The following SMARCA2 variants were observed in gnomAD, a reference collection of about 807,000 sequenced individuals.
SMARCA2 encodes SWI/SNF related BAF chromatin remodeling complex subunit ATPase 2.
Under a neutral mutation model 199.8 loss-of-function variants are expected in SMARCA2, and 61 were observed. The observed-to-expected ratio is 0.31, with a 90% CI of 0.25 to 0.38. The LOEUF (loss-of-function observed/expected upper bound fraction) is 0.38. Among genes scored for constraint, SMARCA2 ranks in the 10% least tolerant of loss-of-function variants. SMARCA2 has a pLI of 1.00. For missense variants in SMARCA2, 1,344 were observed against 2,012.2 expected (o/e 0.67, Z 6.35); for synonymous variants, 935 against 732.0 (o/e 1.28, Z -4.48).
At chr9:2,129,317 C>T (rs535771193) in intron 27 of SMARCA2, among the ~76,000 whole-genome samples, 1 of 152,220 alleles carries the variant, frequency 6.6e-6, no homozygotes, top group East Asian at 1.9e-4. Context: ...GCTTGGGAGG[C>T]TGAGGCAGGG....
At chr9:2,160,834 A>G (rs1825632325) in intron 27 of SMARCA2, 1 of 398,794 alleles carries the variant, frequency 2.5e-6, no homozygotes, top group Non-Finnish European at 4.4e-6. Flanking sequence ...CTTCCTTGGC[A>G]GTATTTTTCC....
intron 19 of SMARCA2, among the ~76,000 whole-genome samples, chr9:2,090,741 C>A (rs866750941): frequency 6.6e-6 from 1 of 152,060 alleles, no homozygotes; most frequent in Non-Finnish European, 1.5e-5. Context: ...GCTCTCCTTC[C>A]GGTAGCCCCC....
chr9:2,027,732 C>G (rs1419024549), intron 1 of SMARCA2: 2 of 152,170 alleles, frequency 1.3e-5, no homozygotes, highest in African/African-American at 2.4e-5. Flanking sequence ...GCTATGGTGA[C>G]TAGGCCACCA....
intron 19 of SMARCA2, among the ~76,000 whole-genome samples, chr9:2,090,531 A>G (rs1314515177): frequency 1.3e-5 from 2 of 152,210 alleles, no homozygotes; most frequent in East Asian, 3.8e-4. Context: ...ACTGGAAGAT[A>G]AATGACTCTG....
At position 2,181,673 on chromosome 9, in the gene SMARCA2, A is replaced by T; in HGVS notation, c.4356A>T (p.Ile1452=). Residue 1452 remains isoleucine (I), a synonymous_variant, in exon 30 of 34, where the codon ATA becomes ATT. Transcript: ENST00000349721. The part of the protein sequence containing the change: ...LIRKPVDFKK[I]KERIRNHKYR... ...GGAAGCCAGTGGATTTCAAAAAAAT[A>T]AAGGTAGATATTTTGTTTACCAACT... is the stretch of plus-strand genomic sequence containing the variant. 1 of 1,376,444 alleles carries T rather than the reference A, an allele frequency of 7.3e-7. No homozygotes were observed. The highest frequency in any genetic ancestry group is 1.0e-6 in the Non-Finnish European group (1 of 963,762). The allele number at this position is 1,376,444 out of a possible 1,614,324, so 85.3% of individuals were successfully genotyped here. A position where few individuals can be genotyped will look rare whatever the true frequency, so the allele number is the denominator to read the frequency against.
intron 4 of SMARCA2, chr9:2,042,784 A>G (rs1009762394): frequency 6.6e-6 from 1 of 151,944 alleles, no homozygotes; most frequent in African/African-American, 2.4e-5. Flanking sequence ...TCGGAGCTTC[A>G]TTAGAAATGA....
intron 32 of SMARCA2, among the ~76,000 whole-genome samples, chr9:2,189,984 A>T (rs1827766059): frequency 6.6e-6 from 1 of 152,182 alleles, no homozygotes; most frequent in Admixed American, 6.5e-5. Flanking sequence ...GACCCACCAA[A>T]CATGGTAGTC....
intron 28 of SMARCA2, among the ~76,000 whole-genome samples, chr9:2,168,556 T>G (rs73638401): frequency 5.1e-4 from 77 of 152,336 alleles, no homozygotes; most frequent in African/African-American, 1.7e-3. Flanking sequence ...AAGTTCTTTA[T>G]TTGAAGTGCG....
chr9:2,063,440 CTA>C (rs768401832), intron 9 of SMARCA2, among the ~76,000 whole-genome samples: 25 of 152,200 alleles, frequency 1.6e-4, no homozygotes, highest in Non-Finnish European at 2.6e-4. Context: ...ACTTCTGTGT[CTA>C]TGAGCATAAA....
intron 28 of SMARCA2, among the ~76,000 whole-genome samples, chr9:2,163,892 CT>C (rs199681440): frequency 6.6e-6 from 1 of 151,710 alleles, no homozygotes. Context: ...TGGTTTTATG[CT>C]TTTTTTTGAG....
chr9:2,106,491 C>G lies in SMARCA2; in HGVS notation c.3292+2322C>G, dbSNP rs75876084. Among the ~76,000 whole-genome samples the G allele has an allele frequency of 7.9e-3, 1,195 of 152,218 alleles. 14 individuals carry two copies. Among genetic ancestry groups the G allele is most frequent in the African/African-American group, 0.028 (1,142 of 41,512 alleles). On this transcript the variant is annotated intron_variant, in intron 23 of 33. Transcript: ENST00000349721. ...AGATGGAATTGAAAAGGCATCTTTC[C>G]GTAAGAAACAGCAGCCGTTCCTTTT...
rs544258603 is a variant in SMARCA2, at chr9:2,177,698, A to G, written c.4254-3873A>G. Among the ~76,000 whole-genome samples, 182 of 152,004 alleles carry G rather than the reference A, an allele frequency of 1.2e-3. 1 individual carries two copies. The highest frequency in any genetic ancestry group is 4.3e-3 in the African/African-American group (178 of 41,540). On this transcript the variant is annotated intron_variant, in intron 29 of 33. Coordinates refer to ENST00000349721, the MANE Select transcript of SMARCA2 (RefSeq NM_003070.5). The stretch of plus-strand genomic sequence containing the variant: ...CTCCCTAGTAGCCGGGATTACAGGC[A>G]TGCGCCACCACACCCAGCTAATTTT...
intron 4 of SMARCA2, chr9:2,042,188 C>G (rs536153476): frequency 6.6e-6 from 1 of 152,310 alleles, no homozygotes; most frequent in East Asian, 1.9e-4. Flanking sequence ...AATTGGTAAT[C>G]TTTATATCCC....
chr9:2,175,929 G>A (rs937613293), intron 29 of SMARCA2, among the ~76,000 whole-genome samples: 1 of 151,934 alleles, frequency 6.6e-6, no homozygotes, highest in Non-Finnish European at 1.5e-5. Flanking sequence ...GCCCAAGCTG[G>A]AGTGCAAATG....
intron 23 of SMARCA2, among the ~76,000 whole-genome samples, chr9:2,105,192 T>G (rs935282077): frequency 6.6e-6 from 1 of 152,212 alleles, no homozygotes; most frequent in Non-Finnish European, 1.5e-5. Flanking sequence ...TAGGGTATTG[T>G]TAATTAATTT....
intron 14 of SMARCA2, among the ~76,000 whole-genome samples, chr9:2,078,364 C>T (rs1460861156): frequency 1.3e-5 from 2 of 151,938 alleles, no homozygotes; most frequent in Non-Finnish European, 1.5e-5. Flanking sequence ...CCCGGCTACT[C>T]TGGAGGCTGA....
At chr9:2,140,982 C>G (rs1824435269) in intron 27 of SMARCA2, among the ~76,000 whole-genome samples, 1 of 151,998 alleles carries the variant, frequency 6.6e-6, no homozygotes, top group Non-Finnish European at 1.5e-5. Flanking sequence ...TTTTTGCTTC[C>G]TCTCTGAACC....
intron 27 of SMARCA2, chr9:2,158,006 T>C (rs897503197): frequency 1.0e-5 from 4 of 396,080 alleles, no homozygotes; most frequent in African/African-American, 8.2e-5. Context: ...CCTGCATGAC[T>C]GTCTCCTGCA....
At chr9:2,070,325 C>T in intron 9 of SMARCA2, 93 bp from the exon 10 acceptor site, 1 of 971,194 alleles carries the variant, frequency 1.0e-6, no homozygotes, top group Non-Finnish European at 1.6e-6. Flanking sequence ...AATGGGGTAA[C>T]AATGAAATCC....
Sources: allele counts gnomAD v4.1 joint callset (sites outside exome capture counted in the v4.1 genomes callset), GRCh38; gene constraint gnomAD v4.1.1; transcripts MANE v1.5; gene names NCBI Gene and HGNC (gene_info 2026-07-23, HGNC 2026-07-21).